Variants in VAV3 observed in about 807,000 individuals in gnomAD.
VAV3 encodes the protein vav guanine nucleotide exchange factor 3.
In VAV3, 94 loss-of-function variants were observed where a neutral mutation model predicts 131.2. The observed-to-expected ratio is 0.72, with a 90% CI of 0.61 to 0.85. The LOEUF (loss-of-function observed/expected upper bound fraction) is 0.85, where lower values mean the gene tolerates loss of function less well. Ranked by LOEUF, VAV3 falls within the 40% of genes least tolerant of loss-of-function variation. The probability of loss-of-function intolerance (pLI) is 0.00; values close to 1 mark genes in which losing one functional copy is unlikely to be tolerated. For synonymous variants in VAV3, 349 were observed against 342.0 expected (o/e 1.02, Z -0.22); for missense variants, 939 against 1,002.7 (o/e 0.94, Z 0.86).
intron 1 of VAV3, among the ~76,000 whole-genome samples, chr1:107,905,131 T>C (rs1024183103): frequency 3.3e-5 from 5 of 152,198 alleles, no homozygotes; most frequent in Non-Finnish European, 1.5e-5. Flanking sequence ...TACAAGTCTA[T>C]GGCATCTGGC....
chr1:107,862,731 T>C lies in VAV3; in HGVS notation c.321+12170A>G, dbSNP rs568086175. 3 of 151,746 alleles carry C rather than the reference T, an allele frequency of 2.0e-5. 1 individual carries two copies. The East Asian group carries it at 5.8e-4, about 30-fold the overall frequency. 9.4% of individuals were successfully genotyped at this position (151,746 alleles called of 1,614,324 possible). On this transcript the variant is annotated intron_variant, in intron 2 of 26. Transcript: ENST00000370056. ...CAAGGATTTCTGAACACAGCTCAGATAGGATACGGCCCAACAACTAAGGCT... is the reference window on the plus strand; with the variant it reads ...CAAGGATTTCTGAACACAGCTCAGACAGGATACGGCCCAACAACTAAGGCT...
chr1:107,702,106 T>C (rs1357561404), intron 17 of VAV3, among the ~76,000 whole-genome samples: 1 of 152,200 alleles, frequency 6.6e-6, no homozygotes, highest in African/African-American at 2.4e-5. Flanking sequence ...GGGGAATTTA[T>C]ACAGAAAAGA....
At chr1:107,948,786 C>A (rs1038839717) in intron 1 of VAV3, among the ~76,000 whole-genome samples, 2 of 151,866 alleles carry the variant, frequency 1.3e-5, no homozygotes, top group African/African-American at 4.8e-5. Context: ...GTGGAGGTTG[C>A]GGTGAGCTGA....
At chr1:107,818,884 G>C (rs953665203) in intron 2 of VAV3, among the ~76,000 whole-genome samples, 1 of 152,014 alleles carries the variant, frequency 6.6e-6, no homozygotes, top group African/African-American at 2.4e-5. Flanking sequence ...TAACATTATA[G>C]GCCTCACTCA....
intron 1 of VAV3, among the ~76,000 whole-genome samples, chr1:107,879,594 T>G (rs1245898019): frequency 6.6e-6 from 1 of 152,138 alleles, no homozygotes; most frequent in Non-Finnish European, 1.5e-5. Context: ...AGATTAGAAG[T>G]TATCTGCTAG....
intron 5 of VAV3, among the ~76,000 whole-genome samples, 155 bp downstream of exon 5, chr1:107,772,580 A>G (rs945834615): frequency 6.6e-5 from 10 of 152,206 alleles, no homozygotes; most frequent in African/African-American, 2.4e-4. Flanking sequence ...AAGGTCATGC[A>G]TATGTCTCCA....
chr1:107,942,068 G>T (rs978152669), intron 1 of VAV3, among the ~76,000 whole-genome samples: 1 of 152,062 alleles, frequency 6.6e-6, no homozygotes, highest in Non-Finnish European at 1.5e-5. Flanking sequence ...CCTTCAGCGT[G>T]CAAGTGATAC....
chr1:107,861,415 C>A (rs1385018696), intron 2 of VAV3, among the ~76,000 whole-genome samples: 1 of 151,552 alleles, frequency 6.6e-6, no homozygotes, highest in East Asian at 1.9e-4. Context: ...CCAATAAATT[C>A]TAATTTTTCT....
chr1:107,692,195 A>C (rs1459453660), intron 17 of VAV3, among the ~76,000 whole-genome samples: 2 of 152,220 alleles, frequency 1.3e-5, no homozygotes, highest in African/African-American at 4.8e-5. Context: ...CAAATTTTGG[A>C]GAAAGTTCAC....
intron 19 of VAV3, chr1:107,669,081 A>G: frequency 3.7e-6 from 4 of 1,080,502 alleles, no homozygotes; most frequent in Non-Finnish European, 4.5e-6. Flanking sequence ...ACAGGGGAAA[A>G]AAAGAAAAAT....
intron 19 of VAV3, among the ~76,000 whole-genome samples, chr1:107,681,295 A>G (rs1423255546): frequency 6.6e-6 from 1 of 152,200 alleles, no homozygotes; most frequent in Non-Finnish European, 1.5e-5. Context: ...CAAATAATGC[A>G]TTGTGGAAGC....
intron 2 of VAV3, among the ~76,000 whole-genome samples, chr1:107,781,670 T>G (rs1385399209): frequency 6.6e-6 from 1 of 152,148 alleles, no homozygotes; most frequent in Non-Finnish European, 1.5e-5. Context: ...AAATTGTATA[T>G]TCTAACCGTA....
chr1:107,822,847 G>A (rs1426493783), intron 2 of VAV3, among the ~76,000 whole-genome samples: 1 of 151,978 alleles, frequency 6.6e-6, no homozygotes, highest in South Asian at 2.1e-4. Flanking sequence ...TACATACCAG[G>A]CACTTTTCTA....
intron 2 of VAV3, among the ~76,000 whole-genome samples, chr1:107,782,014 C>A (rs1164568445): frequency 1.3e-5 from 2 of 152,180 alleles, no homozygotes; most frequent in Non-Finnish European, 2.9e-5. Context: ...AGTATCCAGA[C>A]CCTTGAATTA....
intron 7 of VAV3, among the ~76,000 whole-genome samples, chr1:107,767,860 G>A (rs1165059414): frequency 1.3e-5 from 2 of 152,136 alleles, no homozygotes; most frequent in Non-Finnish European, 2.9e-5. Context: ...ATTCTGGTAA[G>A]GTGCCCTGAA....
At chr1:107,855,559 T>G (rs1165291157) in intron 2 of VAV3, among the ~76,000 whole-genome samples, 1 of 152,148 alleles carries the variant, frequency 6.6e-6, no homozygotes, top group Non-Finnish European at 1.5e-5. Context: ...ATTACAGGTG[T>G]GAGCCACCCC....
At chr1:107,629,798 T>C (rs1300135002) in intron 20 of VAV3, among the ~76,000 whole-genome samples, 1 of 152,134 alleles carries the variant, frequency 6.6e-6, no homozygotes, top group Non-Finnish European at 1.5e-5. Flanking sequence ...GTTATAATAA[T>C]AATACAGACT....
intron 25 of VAV3, 118 bp downstream of exon 25, chr1:107,596,094 G>A (rs1018366650): frequency 5.2e-6 from 7 of 1,337,042 alleles, no homozygotes; most frequent in African/African-American, 4.4e-5. Flanking sequence ...AGAAGTCCTT[G>A]CTCATGCATT....
At chr1:107,721,148 T>C (rs1009914130) in intron 15 of VAV3, among the ~76,000 whole-genome samples, 1 of 152,114 alleles carries the variant, frequency 6.6e-6, no homozygotes, top group Non-Finnish European at 1.5e-5. Flanking sequence ...AATTTAGGCA[T>C]AAGAGACTGA....
Sources: gnomAD v4.1 joint callset for allele counts (sites outside exome capture counted in the v4.1 genomes callset) on GRCh38, gnomAD v4.1.1 for gene constraint, MANE v1.5 for transcripts, NCBI Gene and HGNC (gene_info 2026-07-23, HGNC 2026-07-21) for gene names.